HMGA2: variants seen among roughly 807,000 people sequenced by gnomAD.
The protein encoded by HMGA2 is high mobility group AT-hook 2.
Under a neutral mutation model 19.1 loss-of-function variants are expected in HMGA2, and 8 were observed. The ratio of observed to expected loss-of-function variants is 0.42; its 90% CI spans 0.25 to 0.76. HMGA2 has a LOEUF of 0.76. Among genes scored for constraint, HMGA2 ranks in the 30% least tolerant of loss-of-function variants. The pLI is 0.28. For synonymous variants in HMGA2, 60 were observed against 48.8 expected (o/e 1.23, Z -0.96); for missense variants, 109 against 136.3 (o/e 0.80, Z 1.00).
At chr12:65,878,331 T>C (rs1873166009) in intron 3 of HMGA2, among the ~76,000 whole-genome samples, 3 of 152,194 alleles carry the variant, frequency 2.0e-5, no homozygotes, top group African/African-American at 7.2e-5. Flanking sequence ...GAGATTGGGA[T>C]TGAAGAGCTG....
chr12:65,830,552 C>G (rs190151350), intron 2 of HMGA2, among the ~76,000 whole-genome samples: 113 of 151,846 alleles, frequency 7.4e-4, no homozygotes, highest in African/African-American at 2.5e-3. Flanking sequence ...AAGAAAGAAG[C>G]CTAAAATTAG....
At chr12:65,924,278 A>G (rs896975219) in intron 3 of HMGA2, among the ~76,000 whole-genome samples, 2 of 152,114 alleles carry the variant, frequency 1.3e-5, no homozygotes, top group Non-Finnish European at 2.9e-5. Flanking sequence ...TTCTAATCCC[A>G]TTGTTCTTTT....
At chr12:65,925,381 A>G (rs774680688) in intron 3 of HMGA2, among the ~76,000 whole-genome samples, 2 of 152,216 alleles carry the variant, frequency 1.3e-5, no homozygotes, top group Non-Finnish European at 2.9e-5. Context: ...TAAGGAAAAC[A>G]TCTTAGGCAA....
chr12:65,854,722 C>T (rs1455431869), intron 3 of HMGA2, among the ~76,000 whole-genome samples: 1 of 152,200 alleles, frequency 6.6e-6, no homozygotes, highest in African/African-American at 2.4e-5. Context: ...CTGATGCTCT[C>T]CCTCCCCACT....
chr12:65,927,088 C>T (rs142931890), intron 3 of HMGA2, among the ~76,000 whole-genome samples: 23 of 152,268 alleles, frequency 1.5e-4, no homozygotes, highest in East Asian at 1.3e-3. Flanking sequence ...TTTCAACACA[C>T]GGGAGTTTTA....
chr12:65,920,712 G>A (rs752781354), intron 3 of HMGA2, among the ~76,000 whole-genome samples: 6 of 152,086 alleles, frequency 3.9e-5, no homozygotes, highest in South Asian at 2.1e-4. Context: ...TTCGCCTCCC[G>A]CTATGATTCT....
Position 65,887,891 on chromosome 12 carries a change from A to G in HMGA2, c.249+49322A>G, listed in dbSNP as rs1319691654. ...CACAGGCAAATTAAAAAAAAAAAAA[A>G]GCAATGACAACAACATTTGAGTTTG... On this transcript the variant is annotated intron_variant, in intron 3 of 4. Coordinates refer to ENST00000403681, the MANE Select transcript of HMGA2 (RefSeq NM_003483.6). Among the ~76,000 whole-genome samples the G allele has an allele frequency of 4.0e-5, 6 of 148,856 alleles. No individual in the cohort carries two copies. The South Asian group carries it at 6.5e-4, about 16-fold the overall frequency.
intron 3 of HMGA2, among the ~76,000 whole-genome samples, chr12:65,855,318 C>T (rs1289406505): frequency 6.6e-6 from 1 of 152,112 alleles, no homozygotes; most frequent in Non-Finnish European, 1.5e-5. Flanking sequence ...ACCATGTCAT[C>T]TTGACACATT....
chr12:65,940,867 C>A (rs575822642), intron 3 of HMGA2, among the ~76,000 whole-genome samples: 1 of 152,150 alleles, frequency 6.6e-6, no homozygotes, highest in Non-Finnish European at 1.5e-5. Context: ...TCAGTCAGTG[C>A]ACTTTTAAAT....
At chr12:65,914,873 C>A in intron 3 of HMGA2, 1 of 621,538 alleles carries the variant, frequency 1.6e-6, no homozygotes, top group East Asian at 3.2e-5. Context: ...CAGGGTTTCA[C>A]CATGTTGGCC....
chr12:65,921,395 C>T (rs1875303633), intron 3 of HMGA2, among the ~76,000 whole-genome samples: 1 of 152,072 alleles, frequency 6.6e-6, no homozygotes, highest in Non-Finnish European at 1.5e-5. Context: ...ACTACAGGTG[C>T]CCGTCACCAT....
intron 3 of HMGA2, among the ~76,000 whole-genome samples, chr12:65,932,038 A>G (rs1191593941): frequency 1.3e-5 from 2 of 152,202 alleles, no homozygotes; most frequent in African/African-American, 4.8e-5. Context: ...CGAGCACGAG[A>G]AATCTGCATT....
chr12:65,857,734 CTCTG>C (rs1317715716), intron 3 of HMGA2: 7 of 152,156 alleles, frequency 4.6e-5, no homozygotes, highest in African/African-American at 7.2e-5. Context: ...GAATGGATTG[CTCTG>C]TCTTTTACTG....
chr12:65,875,589 ATTTTTTT>A (rs71096056), intron 3 of HMGA2, among the ~76,000 whole-genome samples: 46 of 26,108 alleles, frequency 1.8e-3, no homozygotes, highest in Non-Finnish European at 2.1e-3. Flanking sequence ...GTGCCCGGCT[ATTTTTTT>A]TTTTTTTTTT....
chr12:65,933,173 G>C (rs1211307281), intron 3 of HMGA2, among the ~76,000 whole-genome samples: 1 of 152,046 alleles, frequency 6.6e-6, no homozygotes, highest in South Asian at 2.1e-4. Context: ...ATAAAGTAGG[G>C]CCTTTGGAGG....
intron 3 of HMGA2, among the ~76,000 whole-genome samples, chr12:65,916,429 T>C (rs552156258): frequency 1.3e-5 from 2 of 152,356 alleles, no homozygotes; most frequent in African/African-American, 4.8e-5. Context: ...ATTTATCTTG[T>C]CTGCATTTTT....
At chr12:65,939,235 T>C (rs1434348723) in intron 3 of HMGA2, among the ~76,000 whole-genome samples, 1 of 152,230 alleles carries the variant, frequency 6.6e-6, no homozygotes, top group Admixed American at 6.5e-5. Flanking sequence ...TCAATGTTTG[T>C]AAACACAGCT....
At chr12:65,954,614 G>C (rs1023260857) in intron 4 of HMGA2, 1 of 152,148 alleles carries the variant, frequency 6.6e-6, no homozygotes, top group African/African-American at 2.4e-5. Context: ...ATACGCACTT[G>C]TGTTTGTGTA....
At chr12:65,884,627 CATT>C (rs1873580922) in intron 3 of HMGA2, among the ~76,000 whole-genome samples, 1 of 152,082 alleles carries the variant, frequency 6.6e-6, no homozygotes, top group Non-Finnish European at 1.5e-5. Context: ...GTCCAAATAG[CATT>C]ATTTACTAAG....
Sources: gnomAD v4.1 joint callset for allele counts (sites outside exome capture counted in the v4.1 genomes callset) on GRCh38, gnomAD v4.1.1 for gene constraint, MANE v1.5 for transcripts, NCBI Gene and HGNC (gene_info 2026-07-23, HGNC 2026-07-21) for gene names.